BRF1: variants seen among roughly 807,000 people sequenced by gnomAD.
The protein encoded by BRF1 is BRF1 general transcription factor IIIB subunit.
A neutral mutation model predicts 81.7 loss-of-function variants in BRF1; 59 were observed. The observed-to-expected ratio is 0.72, with a 90% CI of 0.59 to 0.90. BRF1 has a LOEUF of 0.90. Among genes scored for constraint, BRF1 ranks in the 40% least tolerant of loss-of-function variants. The pLI, the probability that BRF1 is intolerant of heterozygous loss-of-function variation, is 0.00. For missense variants in BRF1, 1,050 were observed against 936.3 expected (o/e 1.12, Z -1.58); for synonymous variants, 491 against 395.6 (o/e 1.24, Z -2.86).
At position 105,210,034 on chromosome 14, in the gene BRF1, T is replaced by C; in HGVS notation, c.*517A>G. The C allele has an allele frequency of 4.3e-6, 1 of 230,936 alleles. No individual in the cohort carries two copies. The highest frequency in any genetic ancestry group is 1.0e-4 in the South Asian group (1 of 9,560). The allele number at this position is 230,936 out of a possible 1,614,324, so 14.3% of individuals were successfully genotyped here. On this transcript the variant is annotated 3_prime_UTR_variant, in exon 18 of 18. Coordinates refer to ENST00000547530, the MANE Select transcript of BRF1 (RefSeq NM_001519.4). This position sits in a 1 kb window ranked among gnomAD's most constrained non-coding sequence, Gnocchi z 4.7. ...CTGCTGCCTCTCAAGTGCCAGATCC[T>C]CAGCTCCCACGGCTGCGCCGGACAC...
intron 1 of BRF1, among the ~76,000 whole-genome samples, chr14:105,295,207 C>T (rs1009547065): frequency 2.7e-5 from 4 of 150,862 alleles, no homozygotes; most frequent in Non-Finnish European, 5.9e-5. Flanking sequence ...CAGCTCATGC[C>T]GCTAATCCCA....
chr14:105,223,962 A>C (rs1892697335), intron 10 of BRF1, among the ~76,000 whole-genome samples: 1 of 152,222 alleles, frequency 6.6e-6, no homozygotes, highest in Non-Finnish European at 1.5e-5. Context: ...ATAATGCCGC[A>C]CCCAATAGTT....
intron 1 of BRF1, among the ~76,000 whole-genome samples, chr14:105,307,562 T>A (rs1039257864): frequency 5.9e-5 from 9 of 152,338 alleles, no homozygotes; most frequent in Non-Finnish European, 1.3e-4. Flanking sequence ...GTCTGTCATC[T>A]TATCACATTT....
At chr14:105,263,379 G>C (rs992598706) in intron 3 of BRF1, among the ~76,000 whole-genome samples, 5 of 152,152 alleles carry the variant, frequency 3.3e-5, no homozygotes, top group Admixed American at 3.3e-4. Context: ...ACTTCAACAA[G>C]CGAGCAGGGC....
At chr14:105,291,428 C>T (rs2057505337) in intron 1 of BRF1, among the ~76,000 whole-genome samples, 1 of 152,188 alleles carries the variant, frequency 6.6e-6, no homozygotes, top group South Asian at 2.1e-4. Flanking sequence ...GTAATCTCGG[C>T]ATTTTGGGAG....
At chr14:105,251,842 C>A (rs1032229762) in intron 5 of BRF1, among the ~76,000 whole-genome samples, 1 of 152,016 alleles carries the variant, frequency 6.6e-6, no homozygotes, top group African/African-American at 2.4e-5. Flanking sequence ...GACTTTTCCG[C>A]TAGGTTAGAT....
At position 105,288,637 on chromosome 14, in the gene BRF1, CT is replaced by C. The variant is rs747428235; in HGVS notation, c.185-2262del. On this transcript the variant is annotated intron_variant, in intron 1 of 17. Transcript: ENST00000547530. ...GACCCATTTCTTTCTTTCTTTCTTT[CT>C]TTTTTTTTTTTTTGAAACAGAGTTT... 2.0e-3 allele frequency among the ~76,000 whole-genome samples: 273 copies of C among 136,980 alleles called. 1 individual carries two copies. The highest frequency in any genetic ancestry group is 3.7e-3 in the Middle Eastern group (1 of 272). The allele number at this position is 136,980 out of a possible 152,430, so 89.9% of individuals were successfully genotyped here.
At chr14:105,217,988 C>T (rs1891614125) in intron 14 of BRF1, among the ~76,000 whole-genome samples, 188 bp from the exon 15 acceptor site, 1 of 152,128 alleles carries the variant, frequency 6.6e-6, no homozygotes, top group Non-Finnish European at 1.5e-5. Flanking sequence ...CACGTCAAAT[C>T]CTGCCCTCCC....
chr14:105,229,613 G>A (rs1036984847), intron 6 of BRF1, among the ~76,000 whole-genome samples: 28 of 152,342 alleles, frequency 1.8e-4, no homozygotes, highest in African/African-American at 2.6e-4. Context: ...GGTCACAGAG[G>A]TCCAACTAGA....
intron 3 of BRF1, among the ~76,000 whole-genome samples, chr14:105,261,228 C>T (rs1017264254): frequency 5.3e-5 from 8 of 152,190 alleles, no homozygotes; most frequent in African/African-American, 9.7e-5. Context: ...AGGAGAGACG[C>T]GGGAGCACAA....
chr14:105,295,451 T>G (rs141571060), intron 1 of BRF1, among the ~76,000 whole-genome samples: 32 of 147,778 alleles, frequency 2.2e-4, no homozygotes, highest in Non-Finnish European at 4.2e-4. Context: ...ACAAGAAAAA[T>G]ACAAAAATTA....
intron 1 of BRF1, among the ~76,000 whole-genome samples, chr14:105,292,787 T>C (rs770572126): frequency 1.8e-4 from 27 of 150,886 alleles, no homozygotes; most frequent in Non-Finnish European, 3.4e-4. Flanking sequence ...ACCCTTCCCA[T>C]GCGCACACCC....
chr14:105,299,406 T>C (rs1248920872), intron 1 of BRF1, among the ~76,000 whole-genome samples: 1 of 151,674 alleles, frequency 6.6e-6, no homozygotes, highest in Non-Finnish European at 1.5e-5. Flanking sequence ...TTGTCTCTAC[T>C]AAAAATAAAA....
intron 10 of BRF1, among the ~76,000 whole-genome samples, chr14:105,223,508 C>T (rs759101156): frequency 1.3e-5 from 2 of 152,154 alleles, no homozygotes; most frequent in African/African-American, 2.4e-5. Flanking sequence ...ACCATTGATG[C>T]GTGACTCAAC....
In BRF1 at chr14:105,309,431, G is replaced by A. The variant is rs2058283962; in HGVS notation, c.-162+5891C>T. On this transcript the variant is annotated intron_variant, in intron 1 of 17. Transcript: ENST00000327359. The surrounding 1 kb of genome is among the most constrained non-coding windows in gnomAD (Gnocchi z 4.0). ...ATTCCACATCCCATGGGGTGGATGTGCCAGGGCAAGTTTTGTCATTTCCCC... is the reference window on the plus strand; with the variant it reads ...ATTCCACATCCCATGGGGTGGATGTACCAGGGCAAGTTTTGTCATTTCCCC... Among the ~76,000 whole-genome samples the A allele has an allele frequency of 6.6e-6, 1 of 152,222 alleles. No homozygotes were observed. The highest frequency in any genetic ancestry group is 2.4e-5 in the African/African-American group (1 of 41,458).
chr14:105,264,536 G>A (rs1435886568), intron 3 of BRF1, among the ~76,000 whole-genome samples: 3 of 151,844 alleles, frequency 2.0e-5, no homozygotes, highest in South Asian at 4.2e-4. Flanking sequence ...GCATGGTGGC[G>A]GGTGCCTGTA....
chr14:105,244,867 T>C (rs1566827924), intron 5 of BRF1, among the ~76,000 whole-genome samples: 9 of 151,078 alleles, frequency 6.0e-5, no homozygotes, highest in Admixed American at 5.9e-4. Flanking sequence ...GTTATGAAAA[T>C]GACCAGGTAT....
At chr14:105,247,305 C>T (rs769348373) in intron 5 of BRF1, 30 of 985,364 alleles carry the variant, frequency 3.0e-5, no homozygotes, top group Non-Finnish European at 3.6e-5. Flanking sequence ...AGGTGATCTC[C>T]AGCTGCTCTG....
chr14:105,287,702 C>T lies in BRF1; in HGVS notation c.185-1326G>A, dbSNP rs587647099. Among the ~76,000 whole-genome samples the T allele has an allele frequency of 5.3e-5, 8 of 152,314 alleles. No homozygotes were observed. In the South Asian group the frequency reaches 8.3e-4, roughly 16 times the overall value. ...CAGCACAGACAAGGCAGAACAGGCA[C>T]GGCCTCTGGCTTCACAATGAATGTA... On this transcript the variant is annotated intron_variant, in intron 1 of 17. Coordinates refer to ENST00000547530, the MANE Select transcript of BRF1 (RefSeq NM_001519.4).
Sources: allele counts gnomAD v4.1 joint callset (sites outside exome capture counted in the v4.1 genomes callset), GRCh38; gene constraint gnomAD v4.1.1; non-coding constraint Gnocchi (gnomAD v3.1); transcripts MANE v1.5; gene names NCBI Gene and HGNC (gene_info 2026-07-23, HGNC 2026-07-21).